The following SIK3 variants were observed in gnomAD, a reference collection of about 807,000 sequenced individuals.
The protein encoded by SIK3 is SIK family kinase 3.
Under a neutral mutation model 144.2 loss-of-function variants are expected in SIK3, and 28 were observed. The ratio of observed to expected loss-of-function variants is 0.19; its 90% CI spans 0.14 to 0.27. The LOEUF (loss-of-function observed/expected upper bound fraction) is 0.27. Among genes scored for constraint, SIK3 ranks in the 10% least tolerant of loss-of-function variants. SIK3 has a pLI of 1.00. For missense variants in SIK3, 1,319 were observed against 1,776.0 expected, an observed-to-expected ratio of 0.74 and a Z score of 4.62; for synonymous variants, 686 against 676.3, an observed-to-expected ratio of 1.01 and a Z score of -0.22.
At chr11:116,977,611 A>G (rs1388887403) in intron 1 of SIK3, among the ~76,000 whole-genome samples, 1 of 152,214 alleles carries the variant, frequency 6.6e-6, no homozygotes, top group Admixed American at 6.5e-5. Flanking sequence ...CAAACAGCAG[A>G]TGCAGGCTAG....
rs549925940 is a variant in SIK3 at position 117,058,660 on chromosome 11, C to T, written c.273+39483G>A. On this transcript the variant is annotated intron_variant, in intron 1 of 24. Coordinates refer to ENST00000445177, the MANE Select transcript of SIK3 (RefSeq NM_001366686.3). ...TCAGCTGCAATGGAGGAAGGTGACA[C>T]GAACCAAAGGAAAATGTGGAAAGAT... Among the ~76,000 whole-genome samples the T allele has an allele frequency of 9.9e-5, 15 of 151,992 alleles. No homozygotes were observed. In the South Asian group the frequency reaches 2.1e-3, roughly 21 times the overall value.
chr11:117,029,062 C>T (rs1952144479), intron 1 of SIK3, among the ~76,000 whole-genome samples: 1 of 152,106 alleles, frequency 6.6e-6, no homozygotes, highest in Admixed American at 6.5e-5. Flanking sequence ...GCACCCGCCA[C>T]TACGCCCGGC....
At chr11:116,912,871 C>T (rs1487386444) in intron 4 of SIK3, among the ~76,000 whole-genome samples, 2 of 152,138 alleles carry the variant, frequency 1.3e-5, no homozygotes, top group Non-Finnish European at 1.5e-5. Context: ...AGAAATGTTG[C>T]TGCTAGAAAT....
intron 1 of SIK3, among the ~76,000 whole-genome samples, chr11:116,962,290 G>C (rs964069842): frequency 5.9e-5 from 9 of 152,158 alleles, no homozygotes; most frequent in African/African-American, 2.2e-4. Context: ...CTACGTAGGA[G>C]GGAAATGCAA....
intron 3 of SIK3, among the ~76,000 whole-genome samples, chr11:116,933,634 T>TCCTCTC (rs752589354): frequency 1.2e-3 from 181 of 151,930 alleles, no homozygotes; most frequent in Admixed American, 1.8e-3. Flanking sequence ...TTTTCTTCCT[T>TCCTCTC]CCTCTCTCTC....
intron 17 of SIK3, 70 bp downstream of exon 17, chr11:116,862,132 A>G (rs2134429713): frequency 6.2e-7 from 1 of 1,610,346 alleles, no homozygotes; most frequent in Non-Finnish European, 8.5e-7. Flanking sequence ...GTCTCCTCCA[A>G]AATGCACAGG....
intron 3 of SIK3, among the ~76,000 whole-genome samples, chr11:116,935,214 C>T (rs1295973092): frequency 6.6e-6 from 1 of 152,064 alleles, no homozygotes; most frequent in Non-Finnish European, 1.5e-5. Flanking sequence ...TGCCACTGCA[C>T]TCCAGCCTGG....
chr11:116,963,594 G>T (rs541324865), intron 1 of SIK3, among the ~76,000 whole-genome samples: 3 of 152,204 alleles, frequency 2.0e-5, no homozygotes, highest in Admixed American at 1.3e-4. Flanking sequence ...TTTTGACCTA[G>T]GGGACCCACT....
chr11:116,858,579 G>A lies in SIK3; in HGVS notation c.2886C>T (p.Phe962=), dbSNP rs1224113007. 6.2e-7 allele frequency: 1 copy of A among 1,613,670 alleles called. No homozygotes were observed. The highest frequency in any genetic ancestry group is 1.3e-5 in the African/African-American group (1 of 74,920). ...GGACTTTCAGGGCTTGGGTTGGAGA[G>A]AACCCCACTCCTGTTGAAGGGCTGT... is the stretch of plus-strand genomic sequence containing the variant. ...SSYSPSTGVG[F]SPTQALKVPP... is the part of the protein sequence containing the mutation. The change falls in exon 21 of 25, where the codon TTC becomes TTT. Residue 962 remains phenylalanine (F), a synonymous_variant. Coordinates refer to ENST00000445177, the MANE Select transcript of SIK3 (RefSeq NM_001366686.3). This position sits in a 1 kb window ranked among gnomAD's most constrained non-coding sequence, Gnocchi z 5.4.
chr11:116,982,814 C>G (rs1482784674), intron 1 of SIK3, among the ~76,000 whole-genome samples: 2 of 151,710 alleles, frequency 1.3e-5, no homozygotes, highest in African/African-American at 4.8e-5. Flanking sequence ...CATGGTGGCA[C>G]ACACCTGTAG....
chr11:116,906,936 G>A (rs186953637), intron 4 of SIK3, among the ~76,000 whole-genome samples: 2 of 152,276 alleles, frequency 1.3e-5, no homozygotes, highest in Non-Finnish European at 1.5e-5. Context: ...ACTTAGAAAC[G>A]AACGTCGTGG....
chr11:117,054,685 C>T (rs1168844323), intron 1 of SIK3, among the ~76,000 whole-genome samples: 2 of 152,150 alleles, frequency 1.3e-5, no homozygotes, highest in Non-Finnish European at 2.9e-5. Flanking sequence ...GTAATCCCAG[C>T]ACTTTGGCAG....
chr11:117,067,920 G>A (rs1337493895), intron 1 of SIK3, among the ~76,000 whole-genome samples: 4 of 152,024 alleles, frequency 2.6e-5, no homozygotes, highest in African/African-American at 9.7e-5. Context: ...GGAGGCGGAG[G>A]CTGCAGTGAG....
chr11:117,005,934 G>A (rs1050621242), intron 1 of SIK3, among the ~76,000 whole-genome samples: 45 of 152,150 alleles, frequency 3.0e-4, no homozygotes, highest in Admixed American at 2.8e-3. Context: ...GGGCTAAAGT[G>A]AGGTGCTGGG....
intron 1 of SIK3, among the ~76,000 whole-genome samples, chr11:116,957,801 A>T (rs1591426196): frequency 6.6e-6 from 1 of 152,198 alleles, no homozygotes; most frequent in East Asian, 1.9e-4. Flanking sequence ...GCAGGATTGA[A>T]GCCTAGGTAG....
chr11:117,032,668 C>G (rs7941428), intron 1 of SIK3, among the ~76,000 whole-genome samples: 55,385 of 149,498 alleles, frequency 0.37, 12,595 homozygotes, highest in African/African-American at 0.65. Context: ...ACCACACCCA[C>G]CTTTTCTTTT....
chr11:116,855,394 G>C (rs1942824136), intron 21 of SIK3: 1 of 152,118 alleles, frequency 6.6e-6, no homozygotes, highest in South Asian at 2.1e-4. Context: ...TCCCTCCTCT[G>C]GTGCGCCCAC....
At chr11:116,948,770 AT>A (rs1175148948) in intron 3 of SIK3, among the ~76,000 whole-genome samples, 1 of 151,888 alleles carries the variant, frequency 6.6e-6, no homozygotes, top group African/African-American at 2.4e-5. Context: ...CTATTTCATA[AT>A]TTCTGCTATA....
intron 6 of SIK3, among the ~76,000 whole-genome samples, chr11:116,886,039 C>T (rs746997756): frequency 2.0e-5 from 3 of 152,114 alleles, no homozygotes; most frequent in Non-Finnish European, 2.9e-5. Flanking sequence ...TTTTATTTTT[C>T]TATTTAGGGT....
Sources: allele counts gnomAD v4.1 joint callset (sites outside exome capture counted in the v4.1 genomes callset), GRCh38; gene constraint gnomAD v4.1.1; non-coding constraint Gnocchi (gnomAD v3.1); transcripts MANE v1.5; gene names NCBI Gene and HGNC (gene_info 2026-07-23, HGNC 2026-07-21).